PCGF3: variants seen among roughly 807,000 people sequenced by gnomAD.
PCGF3 encodes the protein polycomb group RING finger protein 3.
PCGF3 carries 7 observed loss-of-function variants against 33.1 expected under a neutral mutation model. The ratio of observed to expected loss-of-function variants is 0.21; its 90% CI spans 0.12 to 0.40. PCGF3 has a LOEUF of 0.40. Ranked by LOEUF, PCGF3 falls within the 10% of genes least tolerant of loss-of-function variation. The pLI, the probability that PCGF3 is intolerant of heterozygous loss-of-function variation, is 1.00. For missense variants in PCGF3, 211 were observed against 313.3 expected, an observed-to-expected ratio of 0.67 and a Z score of 2.46; for synonymous variants, 153 against 121.3, an observed-to-expected ratio of 1.26 and a Z score of -1.72.
At chr4:741,135 A>G (rs927405082) in intron 6 of PCGF3, among the ~76,000 whole-genome samples, 12 of 152,236 alleles carry the variant, frequency 7.9e-5, no homozygotes, top group African/African-American at 2.9e-4. Context: ...AACACCAGCA[A>G]TATCCCCACT....
intron 9 of PCGF3, among the ~76,000 whole-genome samples, chr4:763,208 T>C (rs1039775169): frequency 6.6e-6 from 1 of 152,172 alleles, no homozygotes; most frequent in Non-Finnish European, 1.5e-5. Context: ...TTTGCTTTTC[T>C]GTGTAGCGAA....
intron 9 of PCGF3, chr4:764,443 T>TG (rs1745246955): frequency 1.4e-5 from 2 of 144,102 alleles, no homozygotes; most frequent in African/African-American, 5.1e-5. Context: ...TGGGCCTGGG[T>TG]GGGATGGGGA....
chr4:764,157 G>A (rs1308201883), intron 9 of PCGF3, among the ~76,000 whole-genome samples: 1 of 152,222 alleles, frequency 6.6e-6, no homozygotes, highest in African/African-American at 2.4e-5. Context: ...TGGAGGTGAT[G>A]TCAGTGCAGG....
At chr4:765,094 T>C (rs748290979) in intron 10 of PCGF3, 30 bp downstream of exon 10, 6 of 1,437,936 alleles carry the variant, frequency 4.2e-6, no homozygotes, top group Non-Finnish European at 5.9e-6. Flanking sequence ...TTTCAGAGTC[T>C]GCTCTGAATG....
In PCGF3 at chr4:744,690, TGGGCGGGGCCCGG is replaced by T; in HGVS notation, c.462+6_462+18del. The T allele has an allele frequency of 6.5e-7, 1 of 1,539,272 alleles. No individual in the cohort carries two copies. Among genetic ancestry groups the T allele is most frequent in the Non-Finnish European group, 8.8e-7 (1 of 1,140,416 alleles). The stretch of plus-strand genomic sequence containing the variant: ...GACTACCACCGCAGCGACGAGCAGG[TGGGCGGGGCCCGG>T]GGGTCGCTGCAGTGTTAGTGTTCGC... On this transcript the variant is annotated splice_donor_5th_base_variant and intron_variant, in intron 8 of 10. Transcript: ENST00000362003.
chr4:732,840 C>T (rs866645121), intron 3 of PCGF3, among the ~76,000 whole-genome samples: 90 of 152,374 alleles, frequency 5.9e-4, no homozygotes, highest in African/African-American at 2.1e-3. Flanking sequence ...TCCCCACCAG[C>T]CTCCGCACGC....
chr4:758,252 AC>A (rs2152615998), intron 8 of PCGF3, among the ~76,000 whole-genome samples: 1 of 143,538 alleles, frequency 7.0e-6, no homozygotes, highest in Non-Finnish European at 1.5e-5. Context: ...CGCGGCTCTC[AC>A]CGGGCACCCC....
Position 721,231 on chromosome 4 carries a change from G to A in PCGF3, c.-189-9399G>A, listed in dbSNP as rs1293958318. 1.3e-5 allele frequency among the ~76,000 whole-genome samples: 2 copies of A among 152,214 alleles called. No individual in the cohort carries two copies. Among genetic ancestry groups the A allele is most frequent in the African/African-American group, 2.4e-5 (1 of 41,452 alleles). On this transcript the variant is annotated intron_variant, in intron 1 of 10. Transcript: ENST00000362003. This position sits in a 1 kb window ranked among gnomAD's most constrained non-coding sequence, Gnocchi z 4.1. ...TTCCCCAGTGAGGCTGTTCCACGGT[G>A]GCACAGGACACGCCTGCAGCTTTGT...
At chr4:766,175 C>T (rs1421563753) in exon 11 of PCGF3, 7 of 949,134 alleles carry the variant, frequency 7.4e-6, no homozygotes, top group Non-Finnish European at 1.0e-5. Flanking sequence ...TCATGTGGAC[C>T]AGACTTCTGA....
chr4:761,223 C>T, intron 8 of PCGF3, 56 bp from the exon 9 acceptor site: 1 of 1,477,608 alleles, frequency 6.8e-7, no homozygotes, highest in Non-Finnish European at 9.0e-7. Flanking sequence ...AGGAAGCCTC[C>T]AGAACCGTCC....
chr4:765,642 T>A (rs1745326571), intron 10 of PCGF3, among the ~76,000 whole-genome samples: 1 of 151,842 alleles, frequency 6.6e-6, no homozygotes, highest in Non-Finnish European at 1.5e-5. Context: ...AGGAAACCAA[T>A]GGTGGAACTC....
At chr4:761,298 G>A (rs1199863296) in exon 9 of PCGF3, 2 of 1,598,522 alleles carry the variant, frequency 1.3e-6, no homozygotes. Flanking sequence ...TGCCTGGAGT[G>A]TAACAGCAGC....
At chr4:723,736 C>T (rs1371176966) in intron 1 of PCGF3, 1 of 152,832 alleles carries the variant, frequency 6.5e-6, no homozygotes, top group Admixed American at 6.5e-5. Context: ...GCGGGCAGCC[C>T]AGGCCTGAAG....
At chr4:757,218 T>C (rs939653815) in intron 8 of PCGF3, 6 of 145,506 alleles carry the variant, frequency 4.1e-5, no homozygotes, top group African/African-American at 1.5e-4. Flanking sequence ...CGCAGGTGCA[T>C]GCAGGCCCGC....
At chr4:764,306 A>T (rs963564553) in intron 9 of PCGF3, among the ~76,000 whole-genome samples, 1 of 152,162 alleles carries the variant, frequency 6.6e-6, no homozygotes, top group Non-Finnish European at 1.5e-5. Flanking sequence ...AATTTTTTTA[A>T]AAGACTGGGG....
intron 3 of PCGF3, chr4:731,472 G>A (rs554360077): frequency 4.5e-5 from 13 of 289,222 alleles, no homozygotes; most frequent in Middle Eastern, 9.5e-4. Context: ...CCTCAGGGGC[G>A]CAGGGCAGGG....
chr4:734,326 C>T (rs919963230), intron 4 of PCGF3: 2 of 1,442,454 alleles, frequency 1.4e-6, no homozygotes, highest in Non-Finnish European at 1.8e-6. Context: ...GGCTGGCGGC[C>T]CTGCTGGTGT....
At chr4:713,340 T>C (rs1182247284) in intron 1 of PCGF3, among the ~76,000 whole-genome samples, 1 of 98,736 alleles carries the variant, frequency 1.0e-5, no homozygotes, top group Admixed American at 1.0e-4. Context: ...TGGTGGGGGC[T>C]GTGGCTTTGT....
exon 11 of PCGF3, chr4:768,493 A>C (rs1745477684): frequency 6.6e-6 from 1 of 151,676 alleles, no homozygotes; most frequent in Non-Finnish European, 1.5e-5. Flanking sequence ...TTTTAAACAG[A>C]TGGAGTTACT....
Sources: allele counts gnomAD v4.1 joint callset (sites outside exome capture counted in the v4.1 genomes callset), GRCh38; gene constraint gnomAD v4.1.1; non-coding constraint Gnocchi (gnomAD v3.1); transcripts MANE v1.5; gene names NCBI Gene and HGNC (gene_info 2026-07-23, HGNC 2026-07-21).